CADM1: variants seen among roughly 807,000 people sequenced by gnomAD.
The protein encoded by CADM1 is TSLC-1.
A neutral mutation model predicts 53.1 loss-of-function variants in CADM1; 15 were observed. That is an observed-to-expected ratio of 0.28 (90% CI 0.19 to 0.44). The LOEUF (loss-of-function observed/expected upper bound fraction) is 0.44. CADM1 is among the 20% of genes least tolerant of loss of function. CADM1 has a pLI of 1.00. For missense variants in CADM1, 434 were observed against 611.3 expected, an observed-to-expected ratio of 0.71 and a Z score of 3.06; for synonymous variants, 281 against 243.0, an observed-to-expected ratio of 1.16 and a Z score of -1.45.
intron 1 of CADM1, among the ~76,000 whole-genome samples, chr11:115,275,243 C>G (rs559298370): frequency 6.6e-6 from 1 of 152,160 alleles, no homozygotes; most frequent in African/African-American, 2.4e-5. Context: ...GTCCTCCTCT[C>G]GCCCACGTCT....
At chr11:115,199,434 T>C (rs995334467) in intron 8 of CADM1, among the ~76,000 whole-genome samples, 4 of 152,222 alleles carry the variant, frequency 2.6e-5, no homozygotes, top group Non-Finnish European at 5.9e-5. Context: ...CTTCTATTTC[T>C]GATGCTGTTC....
In CADM1 at chr11:115,173,702, TA is replaced by T; in HGVS notation, c.*2771del. The T allele has an allele frequency of 1.7e-6, 1 of 576,186 alleles. No homozygotes were observed. The highest frequency in any genetic ancestry group is 2.2e-6 in the Non-Finnish European group (1 of 457,396). 35.7% of individuals were successfully genotyped at this position (576,186 alleles called of 1,614,324 possible). A position where few individuals can be genotyped will look rare whatever the true frequency, so the allele number is the denominator to read the frequency against. On this transcript the variant is annotated 3_prime_UTR_variant, in exon 12 of 12. Transcript: ENST00000331581. Reference sequence around the variant, plus strand: ...CTTCTTTTTTTTCTTTTTTTTTTTGTAAAAATGGTATACATGAACCAATACA... The same window carrying T: ...CTTCTTTTTTTTCTTTTTTTTTTTGTAAAATGGTATACATGAACCAATACA...
chr11:115,189,924 G>T (rs1939764691), intron 10 of CADM1, among the ~76,000 whole-genome samples: 1 of 152,168 alleles, frequency 6.6e-6, no homozygotes, highest in African/African-American at 2.4e-5. Context: ...TAAATCAATT[G>T]CACTTTGAAA....
At position 115,487,107 on chromosome 11, in the gene CADM1, C is replaced by A. The variant is rs547725048; in HGVS notation, c.124+17164G>T. 2.6e-5 allele frequency among the ~76,000 whole-genome samples: 4 copies of A among 152,266 alleles called. No homozygotes were observed. The East Asian group carries it at 7.7e-4, about 29-fold the overall frequency. ...AGTAACCAGGCTTCATTTGCTCCAG[C>A]CTTGTTGTTTGGAAATTGAAAGATT... is the stretch of plus-strand genomic sequence containing the variant. On this transcript the variant is annotated intron_variant, in intron 1 of 11. Transcript: ENST00000331581.
intron 1 of CADM1, among the ~76,000 whole-genome samples, chr11:115,274,251 A>T (rs1249115135): frequency 6.6e-6 from 1 of 152,228 alleles, no homozygotes; most frequent in Non-Finnish European, 1.5e-5. Context: ...GGTTCCCTTT[A>T]GACAACAGGG....
At chr11:115,324,139 A>G (rs1184500292) in intron 1 of CADM1, among the ~76,000 whole-genome samples, 3 of 152,180 alleles carry the variant, frequency 2.0e-5, no homozygotes, top group African/African-American at 7.2e-5. Flanking sequence ...AATGGGGAAC[A>G]ACTTAACTCA....
At chr11:115,268,007 A>G (rs921841254) in intron 1 of CADM1, among the ~76,000 whole-genome samples, 2 of 152,186 alleles carry the variant, frequency 1.3e-5, no homozygotes, top group African/African-American at 4.8e-5. Context: ...AGGCTCAGAG[A>G]AGCAGTGGTT....
intron 5 of CADM1, among the ~76,000 whole-genome samples, chr11:115,224,489 C>T (rs891402652): frequency 6.6e-6 from 1 of 152,096 alleles, no homozygotes; most frequent in Non-Finnish European, 1.5e-5. Flanking sequence ...CTTTTCAAAA[C>T]TCATCTCTGA....
chr11:115,352,923 C>T (rs932679138), intron 1 of CADM1, among the ~76,000 whole-genome samples: 1 of 152,162 alleles, frequency 6.6e-6, no homozygotes, highest in Non-Finnish European at 1.5e-5. Context: ...ATCCAATCTG[C>T]CACTGATGGG....
chr11:115,468,685 T>G (rs1948946194), intron 1 of CADM1, among the ~76,000 whole-genome samples: 1 of 152,150 alleles, frequency 6.6e-6, no homozygotes, highest in African/African-American at 2.4e-5. Context: ...GCTCCAAATT[T>G]TCATTTATCC....
At chr11:115,364,083 G>A (rs1946096454) in intron 1 of CADM1, among the ~76,000 whole-genome samples, 1 of 151,870 alleles carries the variant, frequency 6.6e-6, no homozygotes, top group Non-Finnish European at 1.5e-5. Flanking sequence ...GCATTATGAT[G>A]ACATTGCCTA....
chr11:115,347,548 C>G (rs1398368360), intron 1 of CADM1, among the ~76,000 whole-genome samples: 1 of 151,974 alleles, frequency 6.6e-6, no homozygotes, highest in African/African-American at 2.4e-5. Context: ...TAAACTTTAC[C>G]TCTGGGTCTT....
intron 1 of CADM1, among the ~76,000 whole-genome samples, chr11:115,390,204 C>A (rs983148077): frequency 6.6e-6 from 1 of 152,186 alleles, no homozygotes; most frequent in South Asian, 2.1e-4. Flanking sequence ...AGTGGCTTCA[C>A]TGATTTCAAG....
At chr11:115,305,677 T>C (rs757463098) in intron 1 of CADM1, among the ~76,000 whole-genome samples, 1 of 151,876 alleles carries the variant, frequency 6.6e-6, no homozygotes, top group Non-Finnish European at 1.5e-5. Context: ...CTGCAGCTAA[T>C]AGGGAACTAG....
intron 10 of CADM1, among the ~76,000 whole-genome samples, chr11:115,185,029 C>A (rs1015091999): frequency 6.6e-6 from 1 of 152,224 alleles, no homozygotes; most frequent in African/African-American, 2.4e-5. Context: ...TTCTCTGTGA[C>A]TTCAGGCAGG....
chr11:115,340,762 G>A (rs1310856579), intron 1 of CADM1, among the ~76,000 whole-genome samples: 1 of 146,492 alleles, frequency 6.8e-6, no homozygotes, highest in African/African-American at 2.5e-5. Flanking sequence ...CCGGGTTCAA[G>A]ACATTCTGGT....
intron 1 of CADM1, among the ~76,000 whole-genome samples, chr11:115,366,590 C>A (rs1165788118): frequency 6.6e-6 from 1 of 152,112 alleles, no homozygotes; most frequent in Non-Finnish European, 1.5e-5. Context: ...CATTTTGTTT[C>A]CAAATCTGTG....
chr11:115,480,477 T>C (rs1949233666), intron 1 of CADM1, among the ~76,000 whole-genome samples: 1 of 152,190 alleles, frequency 6.6e-6, no homozygotes, highest in African/African-American at 2.4e-5. Flanking sequence ...GGGAGTTCTG[T>C]GTGCTCTCTA....
At chr11:115,275,243 C>A (rs559298370) in intron 1 of CADM1, among the ~76,000 whole-genome samples, 1 of 152,160 alleles carries the variant, frequency 6.6e-6, no homozygotes, top group Non-Finnish European at 1.5e-5. Context: ...GTCCTCCTCT[C>A]GCCCACGTCT....
Sources: gnomAD v4.1 joint callset for allele counts (sites outside exome capture counted in the v4.1 genomes callset) on GRCh38, gnomAD v4.1.1 for gene constraint, MANE v1.5 for transcripts, NCBI Gene and HGNC (gene_info 2026-07-23, HGNC 2026-07-21) for gene names.